Variants in PPP2R5A observed in about 807,000 individuals in gnomAD.
PPP2R5A encodes serine/threonine-protein phosphatase 2A 56 kDa regulatory subunit alpha isoform.
A neutral mutation model predicts 64.2 loss-of-function variants in PPP2R5A; 25 were observed. That is an observed-to-expected ratio of 0.39 (90% CI 0.28 to 0.54). The LOEUF (loss-of-function observed/expected upper bound fraction) is 0.54, where lower values mean the gene tolerates loss of function less well. Among genes scored for constraint, PPP2R5A ranks in the 20% least tolerant of loss-of-function variants. The probability of loss-of-function intolerance (pLI) is 0.67; values close to 1 mark genes in which losing one functional copy is unlikely to be tolerated. For missense variants in PPP2R5A, 425 were observed against 576.3 expected (o/e 0.74, Z 2.69); for synonymous variants, 198 against 201.2 (o/e 0.98, Z 0.13).
intron 3 of PPP2R5A, among the ~76,000 whole-genome samples, chr1:212,339,102 C>A (rs186226281): frequency 6.6e-6 from 1 of 152,220 alleles, no homozygotes; most frequent in Non-Finnish European, 1.5e-5. Flanking sequence ...CTCAATTATT[C>A]CATTTTGAAG....
intron 8 of PPP2R5A, among the ~76,000 whole-genome samples, chr1:212,354,647 T>C (rs1659946193): frequency 6.6e-6 from 1 of 151,740 alleles, no homozygotes; most frequent in Non-Finnish European, 1.5e-5. Context: ...AGTTCAAGGT[T>C]ACAATGACCT....
chr1:212,286,381 T>C, intron 1 of PPP2R5A, 90 bp downstream of exon 1: 1 of 1,350,912 alleles, frequency 7.4e-7, no homozygotes, highest in Non-Finnish European at 9.6e-7. Flanking sequence ...GCTGGGTTTC[T>C]CCTGCTCAGT....
intron 1 of PPP2R5A, among the ~76,000 whole-genome samples, chr1:212,319,865 C>T (rs1659233382): frequency 1.3e-5 from 2 of 151,394 alleles, no homozygotes; most frequent in South Asian, 4.2e-4. Flanking sequence ...TCAGGTGATC[C>T]GCCCGTCTCA....
intron 12 of PPP2R5A, among the ~76,000 whole-genome samples, chr1:212,359,663 G>A (rs1660045733): frequency 6.6e-6 from 1 of 152,096 alleles, no homozygotes; most frequent in Non-Finnish European, 1.5e-5. Flanking sequence ...GTTTAGAAAA[G>A]CTATCTATTT....
intron 3 of PPP2R5A, among the ~76,000 whole-genome samples, chr1:212,337,701 T>G (rs1398538455): frequency 6.6e-6 from 1 of 152,118 alleles, no homozygotes; most frequent in Non-Finnish European, 1.5e-5. Flanking sequence ...GTTATTATCT[T>G]TTTAGTTCTT....
chr1:212,300,045 C>T (rs570047334), intron 1 of PPP2R5A, among the ~76,000 whole-genome samples: 1 of 152,244 alleles, frequency 6.6e-6, no homozygotes, highest in South Asian at 2.1e-4. Flanking sequence ...AACCCTTGAC[C>T]TCAAGTGATC....
At chr1:212,343,096 C>T (rs928743273) in intron 4 of PPP2R5A, among the ~76,000 whole-genome samples, 4 of 151,118 alleles carry the variant, frequency 2.6e-5, no homozygotes, top group Non-Finnish European at 1.5e-5. Flanking sequence ...TACAGGCACA[C>T]GCCACCATGC....
chr1:212,339,935 A>G (rs773758361), intron 3 of PPP2R5A, among the ~76,000 whole-genome samples: 8 of 149,082 alleles, frequency 5.4e-5, no homozygotes, highest in Non-Finnish European at 8.9e-5. Context: ...TTTGGAGTCT[A>G]TAATTCCATA....
intron 8 of PPP2R5A, among the ~76,000 whole-genome samples, chr1:212,351,272 CAT>C (rs1659874740): frequency 6.6e-6 from 1 of 152,068 alleles, no homozygotes; most frequent in Non-Finnish European, 1.5e-5. Context: ...TTTTCCAACT[CAT>C]AAAGATCTCT....
intron 1 of PPP2R5A, among the ~76,000 whole-genome samples, chr1:212,315,612 T>C (rs1315552157): frequency 6.6e-6 from 1 of 152,256 alleles, no homozygotes; most frequent in East Asian, 1.9e-4. Flanking sequence ...GAATGAGTCA[T>C]TGAAATAAGC....
chr1:212,286,180 T>C lies in PPP2R5A; in HGVS notation c.70T>C (p.Phe24Leu), dbSNP rs779994978. Reference protein sequence around the residue: ...AISASEKVDGFTRKSVRKAQR... With the variant: ...AISASEKVDGLTRKSVRKAQR... The stretch of plus-strand genomic sequence containing the variant: ...CTCGGCCTCGGAGAAAGTGGACGGC[T>C]TCACCCGGAAATCGGTCCGCAAGGC... The change falls in exon 1 of 13, where the codon TTC (phenylalanine) becomes CTC (leucine). Residue 24 changes from phenylalanine (F) to leucine (L), a missense_variant. Around this residue, in one of 4 missense-constraint regions of PPP2R5A, gnomAD observed 104 missense variants for 95.7 expected, o/e 1.09. Transcript: ENST00000261461. 1.9e-6 allele frequency: 3 copies of C among 1,590,884 alleles called. No homozygotes were observed. The highest frequency in any genetic ancestry group is 2.6e-6 in the Non-Finnish European group (3 of 1,170,134).
rs559872342 is a variant in PPP2R5A, at chr1:212,341,811, C to CACTTAGCTGCAGT, written c.481-377_481-376insACTTAGCTGCAGT. ...GTGCAGTGGTACGGCACAGTCACGGCTAACTGCAGCCTTGACCTCCAGACT... is the reference window on the plus strand; with the variant it reads ...GTGCAGTGGTACGGCACAGTCACGGCACTTAGCTGCAGTTAACTGCAGCCTTGACCTCCAGACT... On this transcript the variant is annotated intron_variant, in intron 3 of 12. Coordinates refer to ENST00000261461, the MANE Select transcript of PPP2R5A (RefSeq NM_006243.4). Among the ~76,000 whole-genome samples the CACTTAGCTGCAGT allele has an allele frequency of 1.4e-4, 21 of 152,194 alleles. No homozygotes were observed. The South Asian group carries it at 3.9e-3, about 29-fold the overall frequency.
chr1:212,296,021 T>C (rs982423289), intron 1 of PPP2R5A, among the ~76,000 whole-genome samples: 3 of 151,528 alleles, frequency 2.0e-5, no homozygotes, highest in African/African-American at 7.3e-5. Flanking sequence ...AGGTAAGACT[T>C]TATGTGACTT....
chr1:212,349,235 CAG>C lies in PPP2R5A; in HGVS notation c.923_924del (p.Glu308AlafsTer26). On this transcript the variant is annotated frameshift_variant, in exon 8 of 13. Transcript: ENST00000261461. LOFTEE classifies it high-confidence loss of function. ...TTCCTGGAGAAAGATACAACACTAA[CAG>C]AGCCAGTAAGTGTTCTATTTATTTT... 6.4e-7 allele frequency: 1 copy of C among 1,570,820 alleles called. No individual in the cohort carries two copies. The highest frequency in any genetic ancestry group is 8.7e-7 in the Non-Finnish European group (1 of 1,149,860).
At chr1:212,314,744 G>A (rs1659113147) in intron 1 of PPP2R5A, among the ~76,000 whole-genome samples, 1 of 151,432 alleles carries the variant, frequency 6.6e-6, no homozygotes, top group Non-Finnish European at 1.5e-5. Context: ...TTGTATTTTA[G>A]TAGAGATGAG....
rs1462909352 is a variant in PPP2R5A at position 212,309,597 on chromosome 1, T to C, written c.182-19538T>C. On this transcript the variant is annotated intron_variant, in intron 1 of 12. Transcript: ENST00000261461. ...ATATAATGACTACTTTAAAGTCATA[T>C]ATTCTGTTAAATCCAACATACGGTC... The C allele has an allele frequency of 3.1e-5, 20 of 645,038 alleles. 1 individual carries two copies. Among genetic ancestry groups the C allele is most frequent in the Non-Finnish European group, 4.1e-5 (15 of 364,164 alleles). 40.0% of individuals were successfully genotyped at this position (645,038 alleles called of 1,614,324 possible). A position where few individuals can be genotyped will look rare whatever the true frequency, so the allele number is the denominator to read the frequency against.
chr1:212,323,022 G>A (rs1484252919), intron 1 of PPP2R5A, among the ~76,000 whole-genome samples: 1 of 152,240 alleles, frequency 6.6e-6, no homozygotes, highest in Non-Finnish European at 1.5e-5. Flanking sequence ...TCCTGACCTC[G>A]TGATCTGCCC....
At position 212,321,731 on chromosome 1, in the gene PPP2R5A, A is replaced by C. The variant is rs1307458586; in HGVS notation, c.182-7404A>C. ...GGGCAGCCAGGCAGAGAGGCTCCTCACATCCCAGACGATGGGCGGCCAGGC... is the reference window on the plus strand; with the variant it reads ...GGGCAGCCAGGCAGAGAGGCTCCTCCCATCCCAGACGATGGGCGGCCAGGC... On this transcript the variant is annotated intron_variant, in intron 1 of 12. Coordinates refer to ENST00000261461, the MANE Select transcript of PPP2R5A (RefSeq NM_006243.4). Among the ~76,000 whole-genome samples the C allele has an allele frequency of 2.8e-5, 4 of 141,860 alleles. No homozygotes were observed. The South Asian group carries it at 8.8e-4, about 31-fold the overall frequency. 93.1% of individuals were successfully genotyped at this position (141,860 alleles called of 152,430 possible).
chr1:212,328,990 A>G, intron 1 of PPP2R5A, 145 bp from the exon 2 acceptor site: 1 of 522,306 alleles, frequency 1.9e-6, no homozygotes, highest in Non-Finnish European at 3.1e-6. Context: ...AAATCCCTGA[A>G]TGATGGGGTT....
Sources: gnomAD v4.1 joint callset for allele counts (sites outside exome capture counted in the v4.1 genomes callset) on GRCh38, gnomAD v4.1.1 for gene constraint, gnomAD v4.1.1 regional missense constraint, MANE v1.5 for transcripts, NCBI Gene and HGNC (gene_info 2026-07-23, HGNC 2026-07-21) for gene names.